SLC25A51: variants seen among roughly 807,000 people sequenced by gnomAD.
The protein encoded by SLC25A51 is solute carrier family 25 member 51, also known as mitochondrial nicotinamide adenine dinucleotide transporter SLC25A51.
In SLC25A51, 11 loss-of-function variants were observed where a neutral mutation model predicts 19.1. That is an observed-to-expected ratio of 0.58 (90% CI 0.36 to 0.96). SLC25A51 has a LOEUF of 0.96. Ranked by LOEUF, SLC25A51 falls within the 40% of genes least tolerant of loss-of-function variation. SLC25A51 has a pLI of 0.01. For synonymous variants in SLC25A51, 105 were observed against 133.6 expected, an observed-to-expected ratio of 0.79 and a Z score of 1.47; for missense variants, 201 against 365.4, an observed-to-expected ratio of 0.55 and a Z score of 3.67.
downstream of SLC25A51, chr9:37,878,014 TA>T (rs1038682285): frequency 6.6e-6 from 1 of 151,950 alleles, no homozygotes; most frequent in African/African-American, 2.4e-5. Context: ...TGTCAATAAA[TA>T]AATAAATAAA....
intron 2 of SLC25A51, among the ~76,000 whole-genome samples, chr9:37,898,883 A>G (rs77636444): frequency 0.022 from 3,293 of 152,294 alleles, 66 homozygotes; most frequent in East Asian, 0.078. Flanking sequence ...TCAAGAGTCT[A>G]TCTTAAACTT....
chr9:37,902,154 A>C (rs1312012557), intron 1 of SLC25A51, among the ~76,000 whole-genome samples: 1 of 152,232 alleles, frequency 6.6e-6, no homozygotes, highest in African/African-American at 2.4e-5. Context: ...TTGACAGTAC[A>C]AGCCAAGTTA....
chr9:37,901,380 C>G (rs1831845368), intron 1 of SLC25A51, among the ~76,000 whole-genome samples: 1 of 152,118 alleles, frequency 6.6e-6, no homozygotes, highest in African/African-American at 2.4e-5. Flanking sequence ...GTTAGCCAGG[C>G]TGGTCTCAAA....
At chr9:37,887,452 G>T (rs185231707), downstream of SLC25A51, among the ~76,000 whole-genome samples, 1 of 152,078 alleles carries the variant, frequency 6.6e-6, no homozygotes, top group Admixed American at 6.6e-5. Context: ...GTGAATAGAG[G>T]CTTGAGACTT....
intron 1 of SLC25A51, among the ~76,000 whole-genome samples, chr9:37,900,563 G>C (rs1831825181): frequency 6.6e-6 from 1 of 152,030 alleles, no homozygotes; most frequent in South Asian, 2.1e-4. Context: ...TGAGTAGCTA[G>C]GACCACAGGC....
At chr9:37,883,715 T>C (rs775550237), downstream of SLC25A51, among the ~76,000 whole-genome samples, 3 of 152,236 alleles carry the variant, frequency 2.0e-5, no homozygotes, top group African/African-American at 7.2e-5. Context: ...TATTTATTCA[T>C]TTCTCAAACT....
intron 1 of SLC25A51, among the ~76,000 whole-genome samples, chr9:37,901,611 AG>A (rs1343695471): frequency 1.3e-5 from 2 of 152,216 alleles, no homozygotes; most frequent in Admixed American, 1.3e-4. Flanking sequence ...TATGCTTGCT[AG>A]TAAGTGTCCC....
At chr9:37,883,671 G>C (rs745927294), downstream of SLC25A51, among the ~76,000 whole-genome samples, 1 of 152,224 alleles carries the variant, frequency 6.6e-6, no homozygotes, top group Non-Finnish European at 1.5e-5. Context: ...AAAGTCACAC[G>C]CATGATTGAG....
At chr9:37,882,786 C>T (rs1021032747), downstream of SLC25A51, among the ~76,000 whole-genome samples, 9 of 152,302 alleles carry the variant, frequency 5.9e-5, no homozygotes, top group Middle Eastern at 3.4e-3. Context: ...CCATTTGTGC[C>T]ACAGACGTAA....
chr9:37,885,924 A>G (rs1295417239), downstream of SLC25A51: 3 of 1,611,056 alleles, frequency 1.9e-6, no homozygotes, highest in Non-Finnish European at 2.5e-6. Context: ...AAGTACTTCA[A>G]TGATAAAACC....
At chr9:37,885,681 G>A (rs563932532), downstream of SLC25A51, 27 of 1,294,176 alleles carry the variant, frequency 2.1e-5, no homozygotes, top group African/African-American at 3.6e-4. Flanking sequence ...CCCGAAACCG[G>A]AGAGAGAAGC....
downstream of SLC25A51, among the ~76,000 whole-genome samples, chr9:37,883,557 A>C (rs1831388719): frequency 1.3e-5 from 2 of 152,258 alleles, no homozygotes; most frequent in African/African-American, 4.8e-5. Flanking sequence ...AAGGAAGCCC[A>C]ACAAAACCAA....
At position 37,888,233 on chromosome 9, in the gene SLC25A51, G is replaced by T. The variant is rs752907578; in HGVS notation, c.318C>A (p.Ser106=). The change falls in exon 3 of 3, where the codon TCC becomes TCA. Residue 106 remains serine, a synonymous_variant. Transcript: ENST00000242275. Reference sequence around the variant, plus strand: ...CACTGACATGCTTGTGGAGAAGGCAGGATAAATCCTCATACAGACCAAACA... The same window carrying T: ...CACTGACATGCTTGTGGAGAAGGCATGATAAATCCTCATACAGACCAAACA... ...ALMFGLYEDL[S]CLLHKHVSAP... 3 of 1,614,182 alleles carry T rather than the reference G, an allele frequency of 1.9e-6. No individual in the cohort carries two copies. Among genetic ancestry groups the T allele is most frequent in the Non-Finnish European group, 2.5e-6 (3 of 1,180,036 alleles).
intron 1 of SLC25A51, among the ~76,000 whole-genome samples, chr9:37,903,361 T>C (rs746260604): frequency 3.9e-5 from 6 of 152,144 alleles, no homozygotes; most frequent in Admixed American, 1.3e-4. Flanking sequence ...TTGCAGGAAG[T>C]TGAGGTGCTG....
chr9:37,886,296 A>C (rs969740456), downstream of SLC25A51: 11 of 1,613,932 alleles, frequency 6.8e-6, no homozygotes, highest in African/African-American at 1.3e-4. Flanking sequence ...CGGGCCAAGA[A>C]GCTATCAAAG....
downstream of SLC25A51, among the ~76,000 whole-genome samples, chr9:37,882,642 T>C (rs1264117213): frequency 1.3e-5 from 2 of 152,166 alleles, no homozygotes; most frequent in African/African-American, 2.4e-5. Context: ...CATATCAAGG[T>C]TGTGTTTACT....
chr9:37,885,345 A>T (rs1167622423), downstream of SLC25A51, among the ~76,000 whole-genome samples: 1 of 65,918 alleles, frequency 1.5e-5, no homozygotes, highest in African/African-American at 7.7e-5. Flanking sequence ...GTAATGATAA[A>T]AAAAAAAAAA....
At chr9:37,882,041 G>T (rs749288670) in intron 2 of SLC25A51, among the ~76,000 whole-genome samples, 1 of 152,108 alleles carries the variant, frequency 6.6e-6, no homozygotes, top group Non-Finnish European at 1.5e-5. Context: ...TTTCAATAAT[G>T]AACCTTCAAG....
downstream of SLC25A51, among the ~76,000 whole-genome samples, chr9:37,884,659 T>C (rs1341887233): frequency 1.3e-5 from 2 of 152,210 alleles, no homozygotes; most frequent in Non-Finnish European, 2.9e-5. Flanking sequence ...TGCTTGAATA[T>C]GACCAACTCC....
Sources: gnomAD v4.1 joint callset for allele counts (sites outside exome capture counted in the v4.1 genomes callset) on GRCh38, gnomAD v4.1.1 for gene constraint, MANE v1.5 for transcripts, NCBI Gene and HGNC (gene_info 2026-07-23, HGNC 2026-07-21) for gene names.